DMTN: variants seen among roughly 807,000 people sequenced by gnomAD.
The protein encoded by DMTN is dematin.
Under a neutral mutation model 59.4 loss-of-function variants are expected in DMTN, and 27 were observed. The ratio of observed to expected loss-of-function variants is 0.45; its 90% CI spans 0.33 to 0.63. The LOEUF (loss-of-function observed/expected upper bound fraction) is 0.63, where lower values mean the gene tolerates loss of function less well. Ranked by LOEUF, DMTN falls within the 20% of genes least tolerant of loss-of-function variation. DMTN has a pLI of 0.02. For missense variants in DMTN, 451 were observed against 528.9 expected, an observed-to-expected ratio of 0.85 and a Z score of 1.45; for synonymous variants, 221 against 203.7, an observed-to-expected ratio of 1.08 and a Z score of -0.72.
At chr8:22,062,883 A>G (rs910375137) in intron 1 of DMTN, among the ~76,000 whole-genome samples, 1 of 151,662 alleles carries the variant, frequency 6.6e-6, no homozygotes, top group Non-Finnish European at 1.5e-5. Flanking sequence ...AAACACAAAG[A>G]CTCACTAGAG....
chr8:22,071,090 A>AT (rs1554550422), intron 8 of DMTN, among the ~76,000 whole-genome samples: 1 of 19,914 alleles, frequency 5.0e-5, no homozygotes, highest in African/African-American at 6.3e-5. Flanking sequence ...TATTTTATTT[A>AT]TTTATTTATT....
chr8:22,051,462 C>T (rs1367773191), upstream of DMTN, among the ~76,000 whole-genome samples: 1 of 152,130 alleles, frequency 6.6e-6, no homozygotes. Flanking sequence ...GGGACCAAGC[C>T]GAAAGCCTTG....
upstream of DMTN, among the ~76,000 whole-genome samples, chr8:22,053,265 G>A (rs140184151): frequency 4.8e-4 from 73 of 152,284 alleles, no homozygotes; most frequent in Non-Finnish European, 9.0e-4. Context: ...GGGGCTTTGC[G>A]GGGGCCAGAT....
intron 9 of DMTN, among the ~76,000 whole-genome samples, 155 bp downstream of exon 9, chr8:22,072,605 A>C (rs1226273943): frequency 6.7e-6 from 1 of 149,248 alleles, no homozygotes; most frequent in Non-Finnish European, 1.5e-5. Context: ...CTGGGATTAC[A>C]GGCACGCCAC....
intron 8 of DMTN, 49 bp downstream of exon 8, chr8:22,070,383 C>G: frequency 6.5e-7 from 1 of 1,547,136 alleles, no homozygotes; most frequent in Non-Finnish European, 8.7e-7. Flanking sequence ...AACTCCTGCA[C>G]TCCCTCCCCT....
intron 10 of DMTN, among the ~76,000 whole-genome samples, chr8:22,078,798 G>GTTGTTTTT (rs1821632944): frequency 1.2e-5 from 1 of 85,092 alleles, no homozygotes; most frequent in African/African-American, 4.6e-5. Flanking sequence ...ATGTCAGACT[G>GTTGTTTTT]TTTTTTTTTT....
At chr8:22,072,982 G>T (rs1409586038) in intron 9 of DMTN, among the ~76,000 whole-genome samples, 1 of 152,174 alleles carries the variant, frequency 6.6e-6, no homozygotes, top group African/African-American at 2.4e-5. Context: ...GAAAAGGGTG[G>T]TCCCATCAGA....
chr8:22,080,103 G>T, intron 10 of DMTN, 77 bp from the exon 11 acceptor site: 1 of 1,549,748 alleles, frequency 6.5e-7, no homozygotes, highest in Non-Finnish European at 8.9e-7. Context: ...AGCTGTGGAA[G>T]GCCAGTGAGG....
intron 15 of DMTN, 71 bp from the exon 16 acceptor site, chr8:22,081,279 G>A (rs1224626669): frequency 6.3e-7 from 1 of 1,591,568 alleles, no homozygotes; most frequent in Admixed American, 1.7e-5. Context: ...CTCTATGAGT[G>A]AGTGTCCCCT....
At chr8:22,059,740 G>A (rs1804940358) in intron 1 of DMTN, among the ~76,000 whole-genome samples, 1 of 152,228 alleles carries the variant, frequency 6.6e-6, no homozygotes, top group African/African-American at 2.4e-5. Context: ...TACAGGGGCT[G>A]CCACCAAGCA....
At position 22,070,249 on chromosome 8, in the gene DMTN, T is replaced by A; in HGVS notation, c.519T>A (p.Phe173Leu). The A allele has an allele frequency of 6.2e-7, 1 of 1,613,010 alleles. No individual in the cohort carries two copies. The highest frequency in any genetic ancestry group is 8.5e-7 in the Non-Finnish European group (1 of 1,179,542). Residue 173 changes from phenylalanine (F) to leucine (L), a missense_variant, in exon 8 of 16, where the codon TTT (phenylalanine) becomes TTA (leucine). Transcript: ENST00000358242. ...IEDLIIESSKFPAAQPPDPNQ... is the reference protein window; with the variant it reads ...IEDLIIESSKLPAAQPPDPNQ... The stretch of plus-strand genomic sequence containing the variant: ...ATCTCATCATCGAGTCATCCAAGTT[T>A]CCTGCAGCCCAGCCCCCAGACCCCA...
rs1055203693 is a variant in DMTN, at chr8:22,082,459, CTG to C, written c.*1005_*1006del. ...GCCCAGACCCTGACATCCCTTTCCA[CTG>C]TGTGTGTGACCATGCTGGGGGAGGG... On this transcript the variant is annotated 3_prime_UTR_variant, in exon 16 of 16. Coordinates refer to ENST00000358242, the MANE Select transcript of DMTN (RefSeq NM_001387751.1). 57 of 339,884 alleles carry C rather than the reference CTG, an allele frequency of 1.7e-4. No homozygotes were observed. Among genetic ancestry groups the C allele is most frequent in the African/African-American group, 1.2e-3 (54 of 46,656 alleles). The allele number at this position is 339,884 out of a possible 1,614,324, so 21.1% of individuals were successfully genotyped here.
rs1585667061 is a variant in DMTN, at chr8:22,058,543, C to T, written c.-172+1407C>T. Among the ~76,000 whole-genome samples, 1 of 152,154 alleles carries T rather than the reference C, an allele frequency of 6.6e-6. No homozygotes were observed. The highest frequency in any genetic ancestry group is 6.5e-5 in the Admixed American group (1 of 15,280). ...AGAGAGACCTAGGAGAAGATGGCTG[C>T]ACAGATGCGTCTCTGGGTGGGCTAG... On this transcript the variant is annotated intron_variant, in intron 1 of 15. Transcript: ENST00000358242. This position sits in a 1 kb window ranked among gnomAD's most constrained non-coding sequence, Gnocchi z 4.3.
rs1481903554 is a variant in DMTN, at chr8:22,080,597, C to T, written c.950-21C>T. ...GCTGACCTCAGAGCTGCATCTGACC[C>T]ATGCCCCTTCTCTCCCGCAGGCCTG... On this transcript the variant is annotated intron_variant, in intron 12 of 15. Coordinates refer to ENST00000358242, the MANE Select transcript of DMTN (RefSeq NM_001387751.1). The T allele has an allele frequency of 4.3e-6, 7 of 1,610,392 alleles. No homozygotes were observed. The Admixed American group carries it at 1.2e-4, about 27-fold the overall frequency.
upstream of DMTN, among the ~76,000 whole-genome samples, chr8:22,052,711 A>G (rs1801475782): frequency 6.6e-6 from 1 of 152,172 alleles, no homozygotes; most frequent in Non-Finnish European, 1.5e-5. Flanking sequence ...AAAGAGGGAA[A>G]GGGGAGATAA....
chr8:22,069,176 GC>G, intron 5 of DMTN, 116 bp downstream of exon 5: 4 of 1,253,084 alleles, frequency 3.2e-6, no homozygotes, highest in African/African-American at 1.5e-5. Context: ...CGAATCAGCG[GC>G]CCCCTGGCTG....
In DMTN at chr8:22,078,401, A is replaced by G. The variant is rs144338154; in HGVS notation, c.836-1779A>G. ...AATATATATATACATATATACATAT[A>G]TTCATATATATGTATATATGTGAAT... On this transcript the variant is annotated intron_variant, in intron 10 of 15. Coordinates refer to ENST00000358242, the MANE Select transcript of DMTN (RefSeq NM_001387751.1). 4.1e-3 allele frequency among the ~76,000 whole-genome samples: 613 copies of G among 149,198 alleles called. 2 individuals carry two copies. The highest frequency in any genetic ancestry group is 0.011 in the Middle Eastern group (3 of 280).
intron 12 of DMTN, 24 bp downstream of exon 12, chr8:22,080,484 G>C (rs770371284): frequency 1.2e-6 from 2 of 1,614,248 alleles, no homozygotes; most frequent in South Asian, 1.1e-5. Flanking sequence ...CCTGGTGCCG[G>C]GGTCTGGAGA....
chr8:22,058,405 C>T lies in DMTN; in HGVS notation c.-172+1269C>T, dbSNP rs182280515. ...TGCCAGTCCCACTTGTACAACAGGACCAGCTATAAATGGAGGGGAAGCAGT... is the reference window on the plus strand; with the variant it reads ...TGCCAGTCCCACTTGTACAACAGGATCAGCTATAAATGGAGGGGAAGCAGT... On this transcript the variant is annotated intron_variant, in intron 1 of 15. Coordinates refer to ENST00000358242, the MANE Select transcript of DMTN (RefSeq NM_001387751.1). This position sits in a 1 kb window ranked among gnomAD's most constrained non-coding sequence, Gnocchi z 4.3. Among the ~76,000 whole-genome samples, 1 of 152,262 alleles carries T rather than the reference C, an allele frequency of 6.6e-6. No homozygotes were observed. The highest frequency in any genetic ancestry group is 6.5e-5 in the Admixed American group (1 of 15,304).
Sources: gnomAD v4.1 joint callset for allele counts (sites outside exome capture counted in the v4.1 genomes callset) on GRCh38, gnomAD v4.1.1 for gene constraint, Gnocchi (gnomAD v3.1) non-coding constraint, MANE v1.5 for transcripts, NCBI Gene and HGNC (gene_info 2026-07-23, HGNC 2026-07-21) for gene names.